The following DYTN variants were observed in gnomAD, a reference collection of about 807,000 sequenced individuals.
DYTN encodes the protein dystrotelin.
DYTN carries 75 observed loss-of-function variants against 69.6 expected under a neutral mutation model. That is an observed-to-expected ratio of 1.08 (90% confidence interval 0.89 to 1.31). The LOEUF is 1.31. DYTN is among the 50% of genes most tolerant of loss of function. The pLI is 0.00. For synonymous variants in DYTN, 252 were observed against 249.1 expected (o/e 1.01, Z -0.11); for missense variants, 726 against 688.4 (o/e 1.05, Z -0.61).
chr2:206,700,537 T>A (rs1030819402), intron 5 of DYTN, among the ~76,000 whole-genome samples: 12 of 152,216 alleles, frequency 7.9e-5, no homozygotes, highest in Non-Finnish European at 1.5e-5. Context: ...TTTGCCTTTG[T>A]TCACCTATGA....
At chr2:206,695,897 A>ACTTGC (rs1022773893) in intron 7 of DYTN, among the ~76,000 whole-genome samples, 1 of 152,156 alleles carries the variant, frequency 6.6e-6, no homozygotes, top group African/African-American at 2.4e-5. Context: ...CACGTATACC[A>ACTTGC]CTTGCCTTGC....
intron 9 of DYTN, among the ~76,000 whole-genome samples, chr2:206,691,368 G>A (rs552949145): frequency 5.3e-5 from 8 of 152,086 alleles, no homozygotes; most frequent in Admixed American, 1.3e-4. Flanking sequence ...AGCCGAGATG[G>A]TGCCACTACA....
rs183801955 is a variant in DYTN at position 206,700,104 on chromosome 2, G to A, written c.555+41C>T. ...AGTCAGCAAACTATCCCAATACACCGTGTCTGTCCCCAACTCCAGGGACAT... is the reference window on the plus strand; with the variant it reads ...AGTCAGCAAACTATCCCAATACACCATGTCTGTCCCCAACTCCAGGGACAT... On this transcript the variant is annotated intron_variant, in intron 6 of 11. Coordinates refer to ENST00000452335, the MANE Select transcript of DYTN (RefSeq NM_001093730.1). 46 of 1,611,664 alleles carry A rather than the reference G, an allele frequency of 2.9e-5. No individual in the cohort carries two copies. In the Admixed American group the frequency reaches 4.0e-4, roughly 14 times the overall value.
intron 11 of DYTN, among the ~76,000 whole-genome samples, chr2:206,655,224 A>G (rs773114299): frequency 1.3e-5 from 2 of 148,194 alleles, no homozygotes; most frequent in Admixed American, 6.8e-5. Flanking sequence ...CTTTTTTCCT[A>G]TATCTATTGT....
In DYTN at chr2:206,666,089, G is replaced by C. The variant is rs564614771; in HGVS notation, c.981-60C>G. The C allele has an allele frequency of 9.2e-5, 144 of 1,571,998 alleles. No individual in the cohort carries two copies. In the African/African-American group the frequency reaches 1.2e-3, roughly 14 times the overall value. ...GCAAGAGGCCAGTACACTAATTAGA[G>C]CCCTGGTAAGATGTATTCCGGTCCT... is the stretch of plus-strand genomic sequence containing the variant. On this transcript the variant is annotated intron_variant, in intron 9 of 11. Coordinates refer to ENST00000452335, the MANE Select transcript of DYTN (RefSeq NM_001093730.1).
At chr2:206,686,210 C>A (rs1217574654) in intron 9 of DYTN, among the ~76,000 whole-genome samples, 2 of 152,070 alleles carry the variant, frequency 1.3e-5, no homozygotes, top group Non-Finnish European at 2.9e-5. Context: ...GTTTTCTGTG[C>A]CTTTTTTGGT....
chr2:206,667,835 A>T (rs1309072227), intron 9 of DYTN, among the ~76,000 whole-genome samples: 1 of 152,152 alleles, frequency 6.6e-6, no homozygotes, highest in Non-Finnish European at 1.5e-5. Context: ...TGCTGTTAGC[A>T]TATTTGTGGA....
At chr2:206,670,946 T>G (rs985932957) in intron 9 of DYTN, among the ~76,000 whole-genome samples, 5 of 152,212 alleles carry the variant, frequency 3.3e-5, no homozygotes, top group African/African-American at 4.8e-5. Context: ...CACTTTCTTG[T>G]CTTTCCTTTG....
intron 8 of DYTN, among the ~76,000 whole-genome samples, chr2:206,694,548 T>A (rs1482493872): frequency 4.6e-5 from 7 of 152,180 alleles, no homozygotes; most frequent in Non-Finnish European, 1.5e-5. Flanking sequence ...TCTGGCCTGT[T>A]CTTGTGGCCA....
intron 9 of DYTN, among the ~76,000 whole-genome samples, chr2:206,668,666 C>T (rs1015317552): frequency 2.0e-5 from 3 of 152,166 alleles, no homozygotes; most frequent in African/African-American, 4.8e-5. Flanking sequence ...GCTAATCATG[C>T]CCAAAGCAGT....
chr2:206,708,659 T>A (rs1028360337), intron 2 of DYTN, among the ~76,000 whole-genome samples: 1 of 152,186 alleles, frequency 6.6e-6, no homozygotes, highest in Non-Finnish European at 1.5e-5. Context: ...CCAAACCAGA[T>A]AATAGTGGTG....
chr2:206,718,084 T>A (rs1559321172), intron 1 of DYTN, among the ~76,000 whole-genome samples, 177 bp downstream of exon 1: 1 of 152,254 alleles, frequency 6.6e-6, no homozygotes. Flanking sequence ...CTTCAGTACA[T>A]GGTGGATTTC....
In DYTN at chr2:206,663,168, T is replaced by C. The variant is rs763939495; in HGVS notation, c.1368A>G (p.Pro456=). The change falls in exon 11 of 12, where the codon CCA becomes CCG. Residue 456 remains proline (P), a synonymous_variant. Coordinates refer to ENST00000452335, the MANE Select transcript of DYTN (RefSeq NM_001093730.1). ...AEHALRNPES[P]ETTLHSTRAQ... is the part of the protein sequence containing the mutation. ...CCCTGGTGCTGTGCAAAGTGGTCTC[T>C]GGTGATTCTGGATTTCGCAGAGCAT... 19 of 1,613,878 alleles carry C rather than the reference T, an allele frequency of 1.2e-5. No homozygotes were observed. In the Admixed American group the frequency reaches 3.2e-4, roughly 27 times the overall value.
chr2:206,653,634 A>T (rs539958147), intron 11 of DYTN, among the ~76,000 whole-genome samples: 1 of 152,366 alleles, frequency 6.6e-6, no homozygotes, highest in East Asian at 1.9e-4. Flanking sequence ...CAACTGGAAT[A>T]CTGAGCCCAT....
chr2:206,707,588 A>C (rs535205790), intron 2 of DYTN, 85 bp from the exon 3 acceptor site: 1 of 1,362,352 alleles, frequency 7.3e-7, no homozygotes, highest in Non-Finnish European at 1.0e-6. Context: ...TTGGTGTTTT[A>C]TAATTAAGAC....
At chr2:206,656,599 G>A (rs144763884) in intron 11 of DYTN, among the ~76,000 whole-genome samples, 126 of 151,558 alleles carry the variant, frequency 8.3e-4, no homozygotes, top group East Asian at 1.4e-3. Context: ...ATATTATTTC[G>A]TTTTTTTCTT....
chr2:206,686,178 G>A (rs971260164), intron 9 of DYTN, among the ~76,000 whole-genome samples: 32 of 152,196 alleles, frequency 2.1e-4, no homozygotes, highest in African/African-American at 7.2e-4. Flanking sequence ...TTCCAGCACA[G>A]CTCCAATGGC....
At chr2:206,699,344 G>C (rs749803057) in intron 7 of DYTN, among the ~76,000 whole-genome samples, 13 of 152,120 alleles carry the variant, frequency 8.5e-5, no homozygotes, top group Non-Finnish European at 5.9e-5. Flanking sequence ...GAGCTGCAAG[G>C]ATGACTTCAG....
chr2:206,707,176 AAAAC>A lies in DYTN; in HGVS notation c.296+122_296+125del, dbSNP rs1700035391. 1.1e-5 allele frequency: 13 copies of A among 1,219,964 alleles called. 1 individual carries two copies. In the Admixed American group the frequency reaches 1.5e-4, roughly 14 times the overall value. 75.6% of individuals were successfully genotyped at this position (1,219,964 alleles called of 1,614,324 possible). A position where few individuals can be genotyped will look rare whatever the true frequency, so the allele number is the denominator to read the frequency against. On this transcript the variant is annotated intron_variant, in intron 3 of 11. Coordinates refer to ENST00000452335, the MANE Select transcript of DYTN (RefSeq NM_001093730.1). Reference sequence around the variant, plus strand: ...CTACTCCTGAGGAATAAATTTGTGAAAAACAAACAAAGAAGACTTCTTATATACC... The same window carrying A: ...CTACTCCTGAGGAATAAATTTGTGAAAAACAAAGAAGACTTCTTATATACC...
Sources: allele counts gnomAD v4.1 joint callset (sites outside exome capture counted in the v4.1 genomes callset), GRCh38; gene constraint gnomAD v4.1.1; transcripts MANE v1.5; gene names NCBI Gene and HGNC (gene_info 2026-07-23, HGNC 2026-07-21).